GTF2H1: variants seen among roughly 807,000 people sequenced by gnomAD.
GTF2H1 encodes general transcription factor IIH subunit 1.
Under a neutral mutation model 71.2 loss-of-function variants are expected in GTF2H1, and 16 were observed. The observed-to-expected ratio is 0.22, with a 90% CI of 0.15 to 0.34. The LOEUF (loss-of-function observed/expected upper bound fraction) is 0.34. GTF2H1 is among the 10% of genes least tolerant of loss of function. The probability of loss-of-function intolerance (pLI) is 1.00; values close to 1 mark genes in which losing one functional copy is unlikely to be tolerated. For missense variants in GTF2H1, 498 were observed against 648.2 expected (o/e 0.77, Z 2.52); for synonymous variants, 215 against 219.0 (o/e 0.98, Z 0.16).
At chr11:18,358,490 G>C (rs376077322) in intron 12 of GTF2H1, 35 bp from the exon 13 acceptor site, 518 of 1,198,746 alleles carry the variant, frequency 4.3e-4, no homozygotes, top group Non-Finnish European at 6.0e-4. Flanking sequence ...TGTTAAAATA[G>C]CTCTTAACCT....
chr11:18,350,844 A>G (rs1865404981), intron 9 of GTF2H1, among the ~76,000 whole-genome samples: 2 of 152,224 alleles, frequency 1.3e-5, no homozygotes, highest in Non-Finnish European at 2.9e-5. Flanking sequence ...ATATGTTTGT[A>G]TTATTACAAG....
chr11:18,323,110 C>A (rs1424602020), intron 1 of GTF2H1, among the ~76,000 whole-genome samples: 2 of 152,068 alleles, frequency 1.3e-5, no homozygotes, highest in African/African-American at 2.4e-5. Flanking sequence ...GTCTGCACAC[C>A]TTTTGCTTCC....
intron 1 of GTF2H1, among the ~76,000 whole-genome samples, chr11:18,323,278 A>G (rs1864595620): frequency 6.6e-6 from 1 of 152,080 alleles, no homozygotes; most frequent in African/African-American, 2.4e-5. Flanking sequence ...CAAAGGCCAA[A>G]TTAAATAAGG....
chr11:18,343,621 A>T (rs1386953349), intron 7 of GTF2H1, among the ~76,000 whole-genome samples: 1 of 152,174 alleles, frequency 6.6e-6, no homozygotes, highest in African/African-American at 2.4e-5. Flanking sequence ...ATAATGATGA[A>T]TCCTGAATAA....
In GTF2H1 at chr11:18,341,598, A is replaced by T. The variant is rs553099770; in HGVS notation, c.828A>T (p.Pro276=). The change falls in exon 7 of 15, where the codon CCA becomes CCT. Residue 276 remains proline, a synonymous_variant. Transcript: ENST00000265963. ...ATTTAACAGCTTTGGAAGATAAACC[A>T]TTAGATGAGGTAAGAAGCAATAAAA... ...LLDLTALEDK[P]LDEGYGISSV... The T allele has an allele frequency of 1.9e-6, 3 of 1,591,636 alleles. No individual in the cohort carries two copies. Among genetic ancestry groups the T allele is most frequent in the African/African-American group, 2.7e-5 (2 of 74,280 alleles).
rs1191640678 is a variant in GTF2H1, at chr11:18,347,570, A to C, written c.838-18A>C. ...GCAGAACCTTTTTAAAAAATTTTTA[A>C]TCTATTATTTCTCACAGGGCTATGG... is the stretch of plus-strand genomic sequence containing the variant. On this transcript the variant is annotated intron_variant, in intron 7 of 14. Transcript: ENST00000265963. 6.5e-7 allele frequency: 1 copy of C among 1,536,992 alleles called. No individual in the cohort carries two copies. The highest frequency in any genetic ancestry group is 1.4e-5 in the African/African-American group (1 of 71,688).
At chr11:18,334,450 CT>C (rs1303213945) in intron 2 of GTF2H1, among the ~76,000 whole-genome samples, 1 of 152,206 alleles carries the variant, frequency 6.6e-6, no homozygotes, top group Non-Finnish European at 1.5e-5. Flanking sequence ...ACTAACATTT[CT>C]GTAACAATAG....
intron 7 of GTF2H1, among the ~76,000 whole-genome samples, chr11:18,345,701 C>G (rs548558759): frequency 1.3e-5 from 2 of 151,846 alleles, no homozygotes; most frequent in Admixed American, 1.3e-4. Context: ...CACGACCAGA[C>G]TGGTCTTGAA....
At chr11:18,357,364 A>G (rs1865580268) in intron 11 of GTF2H1, among the ~76,000 whole-genome samples, 2 of 152,146 alleles carry the variant, frequency 1.3e-5, no homozygotes, top group East Asian at 3.9e-4. Context: ...AAATTAAATG[A>G]CAGTTAATAA....
Position 18,366,114 on chromosome 11 carries a change from TATAC to T in GTF2H1, c.*247_*250del. The T allele has an allele frequency of 7.6e-6, 4 of 529,400 alleles. No individual in the cohort carries two copies. The highest frequency in any genetic ancestry group is 1.4e-5 in the Non-Finnish European group (4 of 295,172). 32.8% of individuals were successfully genotyped at this position (529,400 alleles called of 1,614,324 possible). On this transcript the variant is annotated 3_prime_UTR_variant, in exon 15 of 15. Transcript: ENST00000265963. ...ATGAGCTAAGTTGCAAATATATATA[TATAC>T]ACACACACACATATATGTACATGTG...
intron 14 of GTF2H1, among the ~76,000 whole-genome samples, 172 bp from the exon 15 acceptor site, chr11:18,365,611 C>T (rs976831530): frequency 7.2e-5 from 11 of 152,122 alleles, no homozygotes; most frequent in African/African-American, 2.7e-4. Context: ...TTCCTTTCCA[C>T]ACAAAATGTG....
At chr11:18,356,423 G>C (rs1266003706) in intron 11 of GTF2H1, among the ~76,000 whole-genome samples, 1 of 151,780 alleles carries the variant, frequency 6.6e-6, no homozygotes, top group African/African-American at 2.4e-5. Context: ...ATACATTGGG[G>C]TGTCATTGTC....
At position 18,347,879 on chromosome 11, in the gene GTF2H1, A is replaced by G. The variant is rs199904621; in HGVS notation, c.1013A>G (p.Asn338Ser). Residue 338 changes from asparagine to serine, a missense_variant, in exon 9 of 15, where the codon AAT (asparagine) becomes AGT (serine). This residue lies in a region of GTF2H1 where 266 missense variants were observed against 301.6 expected (regional missense o/e 0.88). Coordinates refer to ENST00000265963, the MANE Select transcript of GTF2H1 (RefSeq NM_005316.4). ...AGTGAGCCCAGCAACATGGATGGAAATTCCGGAGATGCAGACTGCTTTCAG... is the reference window on the plus strand; with the variant it reads ...AGTGAGCCCAGCAACATGGATGGAAGTTCCGGAGATGCAGACTGCTTTCAG... The part of the protein sequence containing the change: ...QTSEPSNMDG[N>S]SGDADCFQPA... 2.2e-5 allele frequency: 35 copies of G among 1,613,664 alleles called. No homozygotes were observed. Among genetic ancestry groups the G allele is most frequent in the Admixed American group, 6.7e-5 (4 of 59,866 alleles).
At chr11:18,345,124 A>G (rs1315923462) in intron 7 of GTF2H1, among the ~76,000 whole-genome samples, 1 of 151,698 alleles carries the variant, frequency 6.6e-6, no homozygotes, top group African/African-American at 2.4e-5. Context: ...CCAGGAGGTC[A>G]AGGCTGCAGT....
At chr11:18,350,433 G>A (rs979106951) in intron 9 of GTF2H1, among the ~76,000 whole-genome samples, 1 of 92,374 alleles carries the variant, frequency 1.1e-5, no homozygotes, top group Non-Finnish European at 2.6e-5. Context: ...AGTTGAGAAA[G>A]TAGTTAAAAA....
chr11:18,356,821 G>A (rs542548578), intron 11 of GTF2H1, among the ~76,000 whole-genome samples: 148 of 114,208 alleles, frequency 1.3e-3, no homozygotes, highest in African/African-American at 3.6e-3. Flanking sequence ...TCAGGGTCTT[G>A]CTTTGTTGCC....
In GTF2H1 at chr11:18,365,925, A is replaced by C; in HGVS notation, c.*56A>C. On this transcript the variant is annotated 3_prime_UTR_variant, in exon 15 of 15. Transcript: ENST00000265963. Reference sequence around the variant, plus strand: ...ATTGAGAGAACTATGACCTGCAGCAACTCTGGAAACCTGGCCTGACAGACA... The same window carrying C: ...ATTGAGAGAACTATGACCTGCAGCACCTCTGGAAACCTGGCCTGACAGACA... The C allele has an allele frequency of 8.2e-7, 1 of 1,223,114 alleles. No homozygotes were observed. The highest frequency in any genetic ancestry group is 2.4e-5 in the East Asian group (1 of 42,330). The allele number at this position is 1,223,114 out of a possible 1,614,324, so 75.8% of individuals were successfully genotyped here. A position where few individuals can be genotyped will look rare whatever the true frequency, so the allele number is the denominator to read the frequency against.
In GTF2H1 at chr11:18,358,000, G is replaced by A; in HGVS notation, c.1309G>A (p.Gly437Arg). ...ASSTITALSP[G>R]GALMQGGTQQ... ...TAGTACCATCACAGCACTGTCACCT[G>A]GAGGGGCACTTATGCAGGGAGGAAC... The change falls in exon 12 of 15, where the codon GGA becomes AGA. Residue 437 changes from glycine to arginine, a missense_variant. Gly to Arg is a moderately radical substitution (Grantham distance 125, BLOSUM62 -2). Coordinates refer to ENST00000265963, the MANE Select transcript of GTF2H1 (RefSeq NM_005316.4). 1 of 1,613,330 alleles carries A rather than the reference G, an allele frequency of 6.2e-7. No individual in the cohort carries two copies. The highest frequency in any genetic ancestry group is 8.5e-7 in the Non-Finnish European group (1 of 1,179,352).
At chr11:18,356,834 G>C (rs927280948) in intron 11 of GTF2H1, among the ~76,000 whole-genome samples, 3 of 146,348 alleles carry the variant, frequency 2.0e-5, no homozygotes, top group African/African-American at 7.6e-5. Flanking sequence ...TTGTTGCCCA[G>C]GCTGGAGTGC....
Sources: allele counts gnomAD v4.1 joint callset (sites outside exome capture counted in the v4.1 genomes callset), GRCh38; gene constraint gnomAD v4.1.1; regional missense constraint gnomAD v4.1.1; transcripts MANE v1.5; gene names NCBI Gene and HGNC (gene_info 2026-07-23, HGNC 2026-07-21).